The following STAG1 variants were observed in gnomAD, a reference collection of about 807,000 sequenced individuals.
STAG1 encodes cohesin subunit SA-1.
A neutral mutation model predicts 170.9 loss-of-function variants in STAG1; 26 were observed. The observed-to-expected ratio is 0.15, with a 90% CI of 0.11 to 0.21. The LOEUF is 0.21. STAG1 is among the 10% of genes least tolerant of loss of function. The probability of loss-of-function intolerance (pLI) is 1.00; values close to 1 mark genes in which losing one functional copy is unlikely to be tolerated. For synonymous variants in STAG1, 514 were observed against 497.7 expected (o/e 1.03, Z -0.44); for missense variants, 964 against 1,509.5 (o/e 0.64, Z 5.99).
chr3:136,477,290 C>T lies in STAG1; in HGVS notation c.1025G>A (p.Arg342Lys), dbSNP rs143925042. Reference sequence around the variant, plus strand: ...AAAGCTTAGAACAGAGTAACTTACCCTGTCATGAAGAGTCCAGCCAACATA... The same window carrying T: ...AAAGCTTAGAACAGAGTAACTTACCTTGTCATGAAGAGTCCAGCCAACATA... The part of the protein sequence containing the change: ...LKYVGWTLHD[R>K]QGEVRLKCLK... Residue 342 changes from arginine (R) to lysine (K), a missense_variant and splice_region_variant, in exon 10 of 34, where the codon AGG becomes AAG. Physicochemically the swap from Arg to Lys is conservative, Grantham distance 26 (BLOSUM62 2). This residue lies in a region of STAG1 where 57 missense variants were observed against 157.6 expected (regional missense o/e 0.36). Transcript: ENST00000383202. 1.2e-6 allele frequency: 2 copies of T among 1,608,886 alleles called. No homozygotes were observed. Among genetic ancestry groups the T allele is most frequent in the Non-Finnish European group, 1.7e-6 (2 of 1,177,842 alleles).
chr3:136,552,178 A>G (rs1936433479), intron 5 of STAG1, among the ~76,000 whole-genome samples: 1 of 152,220 alleles, frequency 6.6e-6, no homozygotes, highest in South Asian at 2.1e-4. Context: ...GCCCAAGAAA[A>G]TCAAAACCTA....
intron 1 of STAG1, among the ~76,000 whole-genome samples, chr3:136,724,600 T>TAAA (rs58430366): frequency 3.8e-5 from 4 of 104,666 alleles, no homozygotes; most frequent in African/African-American, 3.2e-5. Flanking sequence ...GAATGATCAA[T>TAAA]AAAAAAAAAA....
chr3:136,677,898 TAATA>T (rs1942177469), intron 1 of STAG1, among the ~76,000 whole-genome samples: 1 of 147,634 alleles, frequency 6.8e-6, no homozygotes, highest in Non-Finnish European at 1.5e-5. Context: ...ATCATATATA[TAATA>T]TATATTATAT....
chr3:136,683,545 C>T (rs1023580189), intron 1 of STAG1, among the ~76,000 whole-genome samples: 4 of 152,028 alleles, frequency 2.6e-5, no homozygotes, highest in East Asian at 1.9e-4. Flanking sequence ...ATTACTGGCA[C>T]GAGCCACAGT....
At chr3:136,346,480 A>G (rs1434900256) in intron 29 of STAG1, among the ~76,000 whole-genome samples, 4 of 152,214 alleles carry the variant, frequency 2.6e-5, no homozygotes, top group African/African-American at 4.8e-5. Context: ...AATTGACAAA[A>G]AAGTTTTCTT....
At chr3:136,572,340 ACCCTGCACTTTCATAGGCTGAGGCAGG>A (rs1323642792) in intron 4 of STAG1, among the ~76,000 whole-genome samples, 8 of 151,964 alleles carry the variant, frequency 5.3e-5, no homozygotes, top group Non-Finnish European at 1.0e-4. Context: ...ATTCCTGTAA[ACCCTGCACTTTCATAGGCTGAGGCAGG>A]CAGATCTCCT....
chr3:136,701,756 G>A (rs982299556), intron 1 of STAG1, among the ~76,000 whole-genome samples: 3 of 152,078 alleles, frequency 2.0e-5, no homozygotes, highest in African/African-American at 7.2e-5. Flanking sequence ...ATGCTTCTGA[G>A]AGAATCATTA....
intron 31 of STAG1, among the ~76,000 whole-genome samples, chr3:136,340,821 A>T (rs1315778293): frequency 6.6e-6 from 1 of 152,258 alleles, no homozygotes; most frequent in Non-Finnish European, 1.5e-5. Flanking sequence ...GTACAATTCA[A>T]TAATAACGGT....
At chr3:136,632,019 G>C (rs746886218) in intron 1 of STAG1, among the ~76,000 whole-genome samples, 33 of 152,132 alleles carry the variant, frequency 2.2e-4, no homozygotes, top group Admixed American at 1.8e-3. Context: ...TAAAGAAATA[G>C]GATACATACA....
At chr3:136,674,102 CAA>C (rs1172904659) in intron 1 of STAG1, among the ~76,000 whole-genome samples, 1 of 44,194 alleles carries the variant, frequency 2.3e-5, no homozygotes, top group Non-Finnish European at 4.3e-5. Context: ...GACTCTGTCT[CAA>C]AAAAAAAAAA....
chr3:136,607,074 C>G (rs1466270838), intron 3 of STAG1, among the ~76,000 whole-genome samples: 3 of 151,920 alleles, frequency 2.0e-5, no homozygotes, highest in Non-Finnish European at 2.9e-5. Context: ...TTTATCACCT[C>G]ATATCAAGAG....
rs796885020 is a variant in STAG1 at position 136,507,317 on chromosome 3, C to T, written c.677-4538G>A. ...TCTTCAAGGAAGTTAATTTGAAGGT[C>T]AGAGACAGGGGTGAAAGAATAACAT... is the stretch of plus-strand genomic sequence containing the variant. On this transcript the variant is annotated intron_variant, in intron 7 of 33. Transcript: ENST00000383202. Among the ~76,000 whole-genome samples, 8 of 152,282 alleles carry T rather than the reference C, an allele frequency of 5.3e-5. No homozygotes were observed. The South Asian group carries it at 1.5e-3, about 28-fold the overall frequency.
At chr3:136,702,115 G>GAGAGAGACAGAGAGACAGAGAGAC (rs1213400411) in intron 1 of STAG1, among the ~76,000 whole-genome samples, 2 of 66,344 alleles carry the variant, frequency 3.0e-5, no homozygotes. Flanking sequence ...GAGAGAGAGA[G>GAGAGAGACAGAGAGACAGAGAGAC]AGAGAGACAG....
intron 3 of STAG1, among the ~76,000 whole-genome samples, chr3:136,622,135 T>TAAAAAAAA (rs75542452): frequency 1.1e-5 from 1 of 92,816 alleles, no homozygotes; most frequent in Non-Finnish European, 2.0e-5. Flanking sequence ...CCATCTCTAC[T>TAAAAAAAA]AAAAAAAAAA....
At chr3:136,645,596 T>G (rs1024746383) in intron 1 of STAG1, among the ~76,000 whole-genome samples, 1 of 152,264 alleles carries the variant, frequency 6.6e-6, no homozygotes, top group South Asian at 2.1e-4. Context: ...AGCAAGTAAC[T>G]GCTTTATTTT....
chr3:136,645,846 C>A (rs956439789), intron 1 of STAG1, among the ~76,000 whole-genome samples: 3 of 152,224 alleles, frequency 2.0e-5, no homozygotes, highest in African/African-American at 7.2e-5. Context: ...TGACCACCTA[C>A]CACTGCTCCT....
chr3:136,725,433 C>CTA (rs1317765582), intron 1 of STAG1, among the ~76,000 whole-genome samples: 1 of 152,116 alleles, frequency 6.6e-6, no homozygotes, highest in Non-Finnish European at 1.5e-5. Flanking sequence ...AAATACTACT[C>CTA]TACAATTTGG....
At chr3:136,354,292 A>C (rs1372969815) in intron 28 of STAG1, among the ~76,000 whole-genome samples, 1 of 152,186 alleles carries the variant, frequency 6.6e-6, no homozygotes, top group African/African-American at 2.4e-5. Context: ...GATAGACCTT[A>C]GGTAAATTTT....
In STAG1 at chr3:136,587,541, C is replaced by CAAAA. The variant is rs747339467; in HGVS notation, c.297+16764_297+16767dup. ...GGGTAACAAGAATGAAACTCCATCT[C>CAAAA]AAAAAAAAAAAAAAAAAAAAGCAAT... On this transcript the variant is annotated intron_variant, in intron 4 of 33. Coordinates refer to ENST00000383202, the MANE Select transcript of STAG1 (RefSeq NM_005862.3). 1.5e-3 allele frequency among the ~76,000 whole-genome samples: 90 copies of CAAAA among 60,644 alleles called. 1 individual carries two copies. The highest frequency in any genetic ancestry group is 9.0e-3 in the East Asian group (13 of 1,448). 39.8% of individuals were successfully genotyped at this position (60,644 alleles called of 152,430 possible).
Sources: gnomAD v4.1 joint callset for allele counts (sites outside exome capture counted in the v4.1 genomes callset) on GRCh38, gnomAD v4.1.1 for gene constraint, gnomAD v4.1.1 regional missense constraint, MANE v1.5 for transcripts, NCBI Gene and HGNC (gene_info 2026-07-23, HGNC 2026-07-21) for gene names.